The following IL1RAPL1 variants were observed in gnomAD, a reference collection of about 807,000 sequenced individuals.
The protein encoded by IL1RAPL1 is interleukin 1 receptor accessory protein like 1.
A neutral mutation model predicts 48.4 loss-of-function variants in IL1RAPL1; 3 were observed. The ratio of observed to expected loss-of-function variants is 0.06; its 90% CI spans 0.03 to 0.16. IL1RAPL1 has a LOEUF of 0.16. IL1RAPL1 is among the 10% of genes least tolerant of loss of function. The pLI is 1.00. For missense variants in IL1RAPL1, 349 were observed against 530.6 expected (o/e 0.66, Z 3.36); for synonymous variants, 185 against 187.7 (o/e 0.99, Z 0.12).
At chrX:29,677,357 A>G (rs1926315174) in intron 6 of IL1RAPL1, among the ~76,000 whole-genome samples, 2 of 111,972 alleles carry the variant, frequency 1.8e-5, no homozygotes, top group African/African-American at 6.5e-5. Context: ...ATTTCAGAGA[A>G]GTGTTCCCTT....
chrX:29,857,925 G>T (rs1931505244), intron 6 of IL1RAPL1, among the ~76,000 whole-genome samples: 1 of 111,823 alleles, frequency 8.9e-6, no homozygotes, highest in Non-Finnish European at 1.9e-5. Context: ...TCCATCTCTG[G>T]TGATGAGAAT....
chrX:29,879,395 G>GTGTA (rs1555929712), intron 6 of IL1RAPL1, among the ~76,000 whole-genome samples: 46 of 86,870 alleles, frequency 5.3e-4, no homozygotes, highest in African/African-American at 1.9e-3. Flanking sequence ...GTGTGTGTGT[G>GTGTA]TATATATATA....
At chrX:29,946,865 A>G (rs150147223) in intron 9 of IL1RAPL1, among the ~76,000 whole-genome samples, 1,763 of 112,017 alleles carry the variant, frequency 0.016, 39 homozygotes, top group African/African-American at 0.054. Context: ...TAAGGGTGGG[A>G]ATGTGTTTCT....
chrX:29,508,147 A>G (rs182218004), intron 5 of IL1RAPL1, among the ~76,000 whole-genome samples: 55 of 111,623 alleles, frequency 4.9e-4, no homozygotes, highest in African/African-American at 1.6e-3. Context: ...TCTCTGTCCT[A>G]TAGAAAGTAT....
intron 6 of IL1RAPL1, among the ~76,000 whole-genome samples, chrX:29,793,228 A>G (rs1929673888): frequency 8.9e-6 from 1 of 112,318 alleles, no homozygotes; most frequent in African/African-American, 3.2e-5. Context: ...TTACAGCACC[A>G]TTATTTATTC....
chrX:29,208,690 G>A (rs1930711760), intron 2 of IL1RAPL1, among the ~76,000 whole-genome samples: 1 of 105,724 alleles, frequency 9.5e-6, no homozygotes, highest in Non-Finnish European at 1.9e-5. Context: ...CAGCCTGGGT[G>A]ACAGAGCAAG....
chrX:29,466,284 C>A (rs1323781926), intron 5 of IL1RAPL1, among the ~76,000 whole-genome samples: 2 of 111,226 alleles, frequency 1.8e-5, no homozygotes, highest in East Asian at 5.7e-4. Context: ...TCTTATTGTC[C>A]CCCAGCTGCC....
chrX:29,485,997 C>T (rs983235063), intron 5 of IL1RAPL1, among the ~76,000 whole-genome samples: 4 of 111,330 alleles, frequency 3.6e-5, no homozygotes, highest in African/African-American at 1.3e-4. Flanking sequence ...TGGGACCTTG[C>T]TAAAAATGCA....
At chrX:29,032,541 T>C (rs774929788) in intron 2 of IL1RAPL1, among the ~76,000 whole-genome samples, 2 of 112,350 alleles carry the variant, frequency 1.8e-5, no homozygotes, top group Admixed American at 1.9e-4. Context: ...GCTCTCTTGA[T>C]TGTCTTTGTG....
At chrX:29,623,260 C>T (rs1435448519) in intron 5 of IL1RAPL1, among the ~76,000 whole-genome samples, 9 of 104,508 alleles carry the variant, frequency 8.6e-5, no homozygotes, top group East Asian at 3.0e-4. Flanking sequence ...CCAGCCTGGG[C>T]GACAGACTGA....
At chrX:29,713,138 T>C (rs1482379993) in intron 6 of IL1RAPL1, among the ~76,000 whole-genome samples, 1 of 111,705 alleles carries the variant, frequency 9.0e-6, no homozygotes, top group Non-Finnish European at 1.9e-5. Context: ...ATATACAAGG[T>C]GTTAAAAAAT....
intron 5 of IL1RAPL1, among the ~76,000 whole-genome samples, chrX:29,574,585 A>C (rs971717917): frequency 1.8e-5 from 2 of 111,064 alleles, no homozygotes; most frequent in Non-Finnish European, 3.8e-5. Flanking sequence ...CCAAGATACA[A>C]TATGTCTTGG....
At chrX:29,719,809 A>G (rs1013815168) in intron 6 of IL1RAPL1, among the ~76,000 whole-genome samples, 2 of 109,022 alleles carry the variant, frequency 1.8e-5, no homozygotes, top group Non-Finnish European at 3.8e-5. Flanking sequence ...AAACCTGCCA[A>G]GAGTCCTCAG....
At chrX:28,748,806 CCTT>C (rs1312911944) in intron 1 of IL1RAPL1, among the ~76,000 whole-genome samples, 1 of 111,391 alleles carries the variant, frequency 9.0e-6, no homozygotes, top group Admixed American at 9.6e-5. Context: ...ACATTACAAA[CCTT>C]CTTCTAGCTA....
chrX:29,935,256 G>A (rs1933013576), intron 8 of IL1RAPL1, among the ~76,000 whole-genome samples: 2 of 111,079 alleles, frequency 1.8e-5, no homozygotes, highest in African/African-American at 3.3e-5. Flanking sequence ...TTTTTCCCCA[G>A]TGAGGAGGTA....
chrX:29,574,041 A>G (rs1922689165), intron 5 of IL1RAPL1, among the ~76,000 whole-genome samples: 1 of 110,413 alleles, frequency 9.1e-6, no homozygotes, highest in Non-Finnish European at 1.9e-5. Context: ...AGACTGGGTA[A>G]TTTATAAAGA....
intron 7 of IL1RAPL1, among the ~76,000 whole-genome samples, chrX:29,917,797 A>T (rs1346382088): frequency 9.1e-6 from 1 of 110,142 alleles, no homozygotes; most frequent in Non-Finnish European, 1.9e-5. Context: ...CAAAGAATTT[A>T]AGAAAAATAA....
chrX:29,570,959 C>T (rs1373601020), intron 5 of IL1RAPL1, among the ~76,000 whole-genome samples: 1 of 112,516 alleles, frequency 8.9e-6, no homozygotes, highest in African/African-American at 3.2e-5. Flanking sequence ...CGGTGGCTCA[C>T]GCCTGTAATC....
intron 2 of IL1RAPL1, among the ~76,000 whole-genome samples, chrX:29,126,417 C>T (rs995711060): frequency 8.9e-6 from 1 of 112,115 alleles, no homozygotes; most frequent in Non-Finnish European, 1.9e-5. Context: ...TTGGGAGTTA[C>T]GCTCTCACAT....
Sources: allele counts gnomAD v4.1 joint callset (sites outside exome capture counted in the v4.1 genomes callset), GRCh38; gene constraint gnomAD v4.1.1; transcripts MANE v1.5; gene names NCBI Gene and HGNC (gene_info 2026-07-23, HGNC 2026-07-21).